UNC5D: variants seen among roughly 807,000 people sequenced by gnomAD.
UNC5D encodes the protein unc-5 netrin receptor D, also known as netrin receptor UNC5D.
In UNC5D, 39 loss-of-function variants were observed where a neutral mutation model predicts 105.4. The observed-to-expected ratio is 0.37, with a 90% CI of 0.29 to 0.48. The LOEUF is 0.48. UNC5D is among the 20% of genes least tolerant of loss of function. The probability of loss-of-function intolerance (pLI) is 0.98; values close to 1 mark genes in which losing one functional copy is unlikely to be tolerated. For synonymous variants in UNC5D, 452 were observed against 450.4 expected (o/e 1.00, Z -0.04); for missense variants, 991 against 1,202.4 (o/e 0.82, Z 2.60).
chr8:35,448,844 A>T (rs977774628), intron 1 of UNC5D, among the ~76,000 whole-genome samples: 4 of 152,120 alleles, frequency 2.6e-5, no homozygotes, highest in African/African-American at 9.7e-5. Context: ...GCTCCCACTT[A>T]TAAGTGAGAA....
intron 1 of UNC5D, among the ~76,000 whole-genome samples, chr8:35,354,208 G>A (rs1174431342): frequency 1.3e-5 from 2 of 151,928 alleles, no homozygotes; most frequent in African/African-American, 2.4e-5. Flanking sequence ...GTTCCAGTAC[G>A]AATAAGATGA....
At chr8:35,275,960 T>C (rs1374068740) in intron 1 of UNC5D, among the ~76,000 whole-genome samples, 1 of 152,240 alleles carries the variant, frequency 6.6e-6, no homozygotes, top group Non-Finnish European at 1.5e-5. Flanking sequence ...TATGTCCATG[T>C]ACTGAGTCCA....
At chr8:35,755,478 A>ATGTGTGTGTGTGTGTG (rs140830705) in intron 13 of UNC5D, among the ~76,000 whole-genome samples, 33 of 150,498 alleles carry the variant, frequency 2.2e-4, no homozygotes, top group African/African-American at 8.0e-4. Context: ...ATTTGTGTGT[A>ATGTGTGTGTGTGTGTG]TGTGTGTGTG....
chr8:35,481,441 AAATCAAAAC>A (rs1810472530), intron 1 of UNC5D, among the ~76,000 whole-genome samples: 1 of 152,176 alleles, frequency 6.6e-6, no homozygotes, highest in Non-Finnish European at 1.5e-5. Context: ...CAAAAAACTA[AAATCAAAAC>A]AATCAAAACA....
At chr8:35,592,170 T>G (rs565416881) in intron 3 of UNC5D, among the ~76,000 whole-genome samples, 1 of 152,368 alleles carries the variant, frequency 6.6e-6, no homozygotes, top group Admixed American at 6.5e-5. Context: ...AGCAGTTAGT[T>G]TCTTTCCTCA....
At chr8:35,566,473 T>TA (rs879424964) in intron 2 of UNC5D, among the ~76,000 whole-genome samples, 5 of 152,124 alleles carry the variant, frequency 3.3e-5, no homozygotes, top group African/African-American at 7.2e-5. Flanking sequence ...GTACTTAATT[T>TA]AAAAAAATAG....
intron 1 of UNC5D, among the ~76,000 whole-genome samples, chr8:35,473,591 C>A (rs1809887987): frequency 6.6e-6 from 1 of 152,168 alleles, no homozygotes; most frequent in Admixed American, 6.5e-5. Flanking sequence ...ATGTGAAGCA[C>A]ATCTAATCAT....
intron 11 of UNC5D, among the ~76,000 whole-genome samples, chr8:35,731,565 G>T (rs1829200950): frequency 6.6e-6 from 1 of 151,990 alleles, no homozygotes; most frequent in Non-Finnish European, 1.5e-5. Flanking sequence ...CAAAACTACT[G>T]GCTGAAATGA....
chr8:35,600,057 G>T (rs981660624), intron 4 of UNC5D, among the ~76,000 whole-genome samples: 3 of 152,040 alleles, frequency 2.0e-5, no homozygotes, highest in African/African-American at 7.2e-5. Flanking sequence ...GAGGTGTTTG[G>T]TTTTTTGTCC....
chr8:35,386,250 C>A (rs528678668), intron 1 of UNC5D, among the ~76,000 whole-genome samples: 1 of 152,088 alleles, frequency 6.6e-6, no homozygotes, highest in Non-Finnish European at 1.5e-5. Flanking sequence ...GAGCATCATT[C>A]GCTCCAATTT....
At chr8:35,554,738 G>A (rs772439985) in intron 2 of UNC5D, among the ~76,000 whole-genome samples, 17 of 152,246 alleles carry the variant, frequency 1.1e-4, no homozygotes, top group Admixed American at 7.2e-4. Context: ...ACAACACGCC[G>A]TGGCTCTTAT....
At chr8:35,361,517 G>A (rs1193594279) in intron 1 of UNC5D, among the ~76,000 whole-genome samples, 1 of 152,072 alleles carries the variant, frequency 6.6e-6, no homozygotes, top group Non-Finnish European at 1.5e-5. Flanking sequence ...AAGTCAACTC[G>A]GAATGCTTAG....
chr8:35,248,834 T>C (rs1307210387), intron 1 of UNC5D, among the ~76,000 whole-genome samples: 2 of 92,902 alleles, frequency 2.2e-5, no homozygotes, highest in South Asian at 3.3e-4. Context: ...ATTTATATTT[T>C]AAAAATATAT....
Position 35,793,185 on chromosome 8 carries a change from C to T in UNC5D, c.*2622C>T, listed in dbSNP as rs1362440139. The T allele has an allele frequency of 2.2e-6, 1 of 455,896 alleles. No homozygotes were observed. The highest frequency in any genetic ancestry group is 2.0e-5 in the African/African-American group (1 of 50,016). The allele number at this position is 455,896 out of a possible 1,614,324, so 28.2% of individuals were successfully genotyped here. A position where few individuals can be genotyped will look rare whatever the true frequency, so the allele number is the denominator to read the frequency against. ...ATAGAAATGTATGAAATTCTGTGGT[C>T]ACTGCATGTCAGGATTGCACAGTAT... On this transcript the variant is annotated 3_prime_UTR_variant, in exon 17 of 17. Coordinates refer to ENST00000404895, the MANE Select transcript of UNC5D (RefSeq NM_080872.4).
chr8:35,478,043 A>C (rs1810237877), intron 1 of UNC5D, among the ~76,000 whole-genome samples: 1 of 152,164 alleles, frequency 6.6e-6, no homozygotes, highest in Non-Finnish European at 1.5e-5. Context: ...TTTTAAGCAA[A>C]GAATTGTGTG....
chr8:35,348,515 T>C (rs1811965158), intron 1 of UNC5D, among the ~76,000 whole-genome samples: 1 of 145,228 alleles, frequency 6.9e-6, no homozygotes, highest in African/African-American at 2.6e-5. Context: ...TAGATTACCC[T>C]AGGAAAATCA....
At chr8:35,509,837 A>G (rs541350892) in intron 1 of UNC5D, among the ~76,000 whole-genome samples, 1 of 152,180 alleles carries the variant, frequency 6.6e-6, no homozygotes, top group Non-Finnish European at 1.5e-5. Context: ...AAGCCTGACT[A>G]TATCCTGGGG....
At chr8:35,754,824 C>T (rs1293289596) in intron 13 of UNC5D, among the ~76,000 whole-genome samples, 1 of 152,142 alleles carries the variant, frequency 6.6e-6, no homozygotes, top group African/African-American at 2.4e-5. Context: ...ACTTTGTTTA[C>T]CTGGCTAAGA....
intron 1 of UNC5D, among the ~76,000 whole-genome samples, chr8:35,326,095 T>C (rs1810136474): frequency 6.6e-6 from 1 of 152,212 alleles, no homozygotes; most frequent in African/African-American, 2.4e-5. Flanking sequence ...TGAATACTTT[T>C]CTACCAAATT....
Sources: gnomAD v4.1 joint callset for allele counts (sites outside exome capture counted in the v4.1 genomes callset) on GRCh38, gnomAD v4.1.1 for gene constraint, MANE v1.5 for transcripts, NCBI Gene and HGNC (gene_info 2026-07-23, HGNC 2026-07-21) for gene names.